The following DNER variants were observed in gnomAD, a reference collection of about 807,000 sequenced individuals.
DNER encodes delta/notch like EGF repeat containing.
DNER carries 33 observed loss-of-function variants against 78.2 expected under a neutral mutation model. That is an observed-to-expected ratio of 0.42 (90% CI 0.32 to 0.56). The LOEUF is 0.56. Ranked by LOEUF, DNER falls within the 20% of genes least tolerant of loss-of-function variation. The pLI is 0.11. For missense variants in DNER, 918 were observed against 975.3 expected, an observed-to-expected ratio of 0.94 and a Z score of 0.78; for synonymous variants, 417 against 384.8, an observed-to-expected ratio of 1.08 and a Z score of -0.98.
intron 5 of DNER, among the ~76,000 whole-genome samples, chr2:229,528,293 G>A (rs567798567): frequency 2.2e-4 from 33 of 152,308 alleles, no homozygotes; most frequent in Middle Eastern, 3.4e-3. Flanking sequence ...GACTGTTGAC[G>A]GAGGCAACTG....
chr2:229,422,183 G>T (rs1484050672), intron 8 of DNER, among the ~76,000 whole-genome samples: 1 of 152,030 alleles, frequency 6.6e-6, no homozygotes, highest in Non-Finnish European at 1.5e-5. Flanking sequence ...TCAATCGGAC[G>T]ATTTGAATAA....
intron 4 of DNER, among the ~76,000 whole-genome samples, chr2:229,548,185 G>A (rs1172528146): frequency 1.3e-5 from 2 of 152,266 alleles, no homozygotes; most frequent in East Asian, 3.9e-4. Context: ...TGATTCTAGG[G>A]CAACTGAAAT....
At chr2:229,494,979 C>T (rs189386135) in intron 6 of DNER, among the ~76,000 whole-genome samples, 3 of 152,318 alleles carry the variant, frequency 2.0e-5, no homozygotes. Flanking sequence ...TCCATGATCT[C>T]TTTATCAAAT....
intron 7 of DNER, among the ~76,000 whole-genome samples, chr2:229,454,003 A>G (rs1694518091): frequency 6.6e-6 from 1 of 152,082 alleles, no homozygotes; most frequent in Non-Finnish European, 1.5e-5. Context: ...AGAATGTGAA[A>G]AAATGGCACT....
chr2:229,462,266 G>A (rs542880282), intron 7 of DNER, among the ~76,000 whole-genome samples: 13 of 152,194 alleles, frequency 8.5e-5, no homozygotes, highest in Admixed American at 6.5e-4. Context: ...TGTATTGTCA[G>A]AAAGCAATAG....
At chr2:229,484,378 C>T (rs1300136712) in intron 6 of DNER, among the ~76,000 whole-genome samples, 1 of 152,188 alleles carries the variant, frequency 6.6e-6, no homozygotes, top group African/African-American at 2.4e-5. Flanking sequence ...AGCAACTGTC[C>T]TGCTAAAGGG....
Position 229,510,632 on chromosome 2 carries a change from G to C in DNER, c.1147+2151C>G, listed in dbSNP as rs145921811. 2.8e-3 allele frequency among the ~76,000 whole-genome samples: 426 copies of C among 152,348 alleles called. 3 individuals are homozygous for C. Among genetic ancestry groups the C allele is most frequent in the African/African-American group, 9.5e-3 (394 of 41,580 alleles). On this transcript the variant is annotated intron_variant, in intron 6 of 12. Transcript: ENST00000341772. Reference sequence around the variant, plus strand: ...GACTTGTAGAGATGTCTGGCTTCTAGAAATGGATGGAACGCTGGAAGACGA... The same window carrying C: ...GACTTGTAGAGATGTCTGGCTTCTACAAATGGATGGAACGCTGGAAGACGA...
At chr2:229,559,890 C>T (rs570365424) in intron 4 of DNER, among the ~76,000 whole-genome samples, 52 of 152,308 alleles carry the variant, frequency 3.4e-4, no homozygotes, top group African/African-American at 1.2e-3. Flanking sequence ...AACAAATGCA[C>T]TTACTCTGCT....
intron 5 of DNER, among the ~76,000 whole-genome samples, chr2:229,520,149 ACAT>A (rs1394586476): frequency 6.6e-6 from 1 of 152,190 alleles, no homozygotes; most frequent in Non-Finnish European, 1.5e-5. Context: ...AAATAAACTG[ACAT>A]CATAATAGGC....
intron 5 of DNER, among the ~76,000 whole-genome samples, chr2:229,543,334 G>A (rs1696554484): frequency 6.6e-6 from 1 of 152,064 alleles, no homozygotes; most frequent in Non-Finnish European, 1.5e-5. Flanking sequence ...TACCTCTATT[G>A]CCTTTTCAAT....
intron 8 of DNER, among the ~76,000 whole-genome samples, chr2:229,423,598 G>A (rs559695667): frequency 1.4e-5 from 2 of 145,562 alleles, no homozygotes; most frequent in East Asian, 4.0e-4. Context: ...CTGGGAGATA[G>A]AGCGAGACTA....
intron 6 of DNER, among the ~76,000 whole-genome samples, chr2:229,481,980 G>A (rs1476196435): frequency 6.6e-6 from 1 of 152,218 alleles, no homozygotes; most frequent in Non-Finnish European, 1.5e-5. Context: ...AAAAACCCAT[G>A]TAAAGGCACA....
chr2:229,479,198 A>G (rs952234273), intron 6 of DNER, among the ~76,000 whole-genome samples: 1 of 152,138 alleles, frequency 6.6e-6, no homozygotes, highest in Non-Finnish European at 1.5e-5. Context: ...CCATTTAACA[A>G]ATGAGGAAAC....
At chr2:229,700,303 T>A (rs72985348) in intron 1 of DNER, among the ~76,000 whole-genome samples, 2 of 149,614 alleles carry the variant, frequency 1.3e-5, no homozygotes. Context: ...TGTGTGTGTG[T>A]GTGTGTGTGT....
intron 1 of DNER, among the ~76,000 whole-genome samples, chr2:229,700,218 C>A (rs535842575): frequency 5.3e-5 from 8 of 151,794 alleles, no homozygotes; most frequent in South Asian, 4.2e-4. Context: ...AATTCTCCAA[C>A]CTTTTTGGAT....
At chr2:229,430,211 A>T (rs1398071853) in intron 8 of DNER, among the ~76,000 whole-genome samples, 1 of 152,196 alleles carries the variant, frequency 6.6e-6, no homozygotes, top group Non-Finnish European at 1.5e-5. Flanking sequence ...TTAAATATGT[A>T]TATTCATGTT....
chr2:229,708,433 T>C (rs1276271689), intron 1 of DNER, among the ~76,000 whole-genome samples: 1 of 152,188 alleles, frequency 6.6e-6, no homozygotes, highest in Non-Finnish European at 1.5e-5. Context: ...TGAGCACTAA[T>C]GTGGGGAAGC....
chr2:229,513,511 C>T (rs569595094), intron 5 of DNER, among the ~76,000 whole-genome samples: 1 of 152,288 alleles, frequency 6.6e-6, no homozygotes, highest in South Asian at 2.1e-4. Flanking sequence ...ATGATATTAA[C>T]ATTATCTTAG....
intron 11 of DNER, among the ~76,000 whole-genome samples, chr2:229,367,322 C>T (rs779148362): frequency 3.3e-5 from 5 of 152,090 alleles, no homozygotes; most frequent in African/African-American, 9.7e-5. Context: ...AACTACAGGC[C>T]GGGCACAGTG....
Sources: allele counts gnomAD v4.1 joint callset (sites outside exome capture counted in the v4.1 genomes callset), GRCh38; gene constraint gnomAD v4.1.1; transcripts MANE v1.5; gene names NCBI Gene and HGNC (gene_info 2026-07-23, HGNC 2026-07-21).